Variants in NOS1AP observed in about 807,000 individuals in gnomAD.
NOS1AP encodes nitric oxide synthase 1 adaptor protein.
Under a neutral mutation model 56.2 loss-of-function variants are expected in NOS1AP, and 21 were observed. The ratio of observed to expected loss-of-function variants is 0.37; its 90% CI spans 0.26 to 0.54. The LOEUF is 0.54. NOS1AP is among the 20% of genes least tolerant of loss of function. The pLI is 0.84. For missense variants in NOS1AP, 522 were observed against 657.8 expected, an observed-to-expected ratio of 0.79 and a Z score of 2.26; for synonymous variants, 270 against 274.6, an observed-to-expected ratio of 0.98 and a Z score of 0.17.
At chr1:162,105,771 A>T (rs944760270) in intron 1 of NOS1AP, among the ~76,000 whole-genome samples, 1 of 152,338 alleles carries the variant, frequency 6.6e-6, no homozygotes. Flanking sequence ...GAAATGACGG[A>T]GTCTACCAAA....
At chr1:162,092,440 T>G (rs1294681127) in intron 1 of NOS1AP, among the ~76,000 whole-genome samples, 1 of 152,182 alleles carries the variant, frequency 6.6e-6, no homozygotes, top group African/African-American at 2.4e-5. Context: ...TGCCACCAAG[T>G]GGTAAATCTG....
chr1:162,250,632 C>A (rs956856907), intron 2 of NOS1AP, among the ~76,000 whole-genome samples: 8 of 152,256 alleles, frequency 5.3e-5, no homozygotes, highest in African/African-American at 1.9e-4. Flanking sequence ...TGGGACCACC[C>A]CCATGCAGCA....
chr1:162,300,861 A>C (rs1172287036), intron 4 of NOS1AP, among the ~76,000 whole-genome samples, 155 bp downstream of exon 4: 1 of 152,174 alleles, frequency 6.6e-6, no homozygotes, highest in Non-Finnish European at 1.5e-5. Flanking sequence ...TGTGAGTTCA[A>C]GAAGTAAATC....
chr1:162,090,548 G>A (rs1005077350), intron 1 of NOS1AP, among the ~76,000 whole-genome samples: 12 of 152,018 alleles, frequency 7.9e-5, no homozygotes, highest in Non-Finnish European at 1.0e-4. Context: ...TGTTCTTCCG[G>A]AACCACTCTT....
In NOS1AP at chr1:162,323,774, G is replaced by A. The variant is rs78518256; in HGVS notation, c.345-9243G>A. On this transcript the variant is annotated intron_variant, in intron 4 of 9. Transcript: ENST00000361897. ...GCAGTTAAGAAAACTAAGGCTCAGA[G>A]TATTAACTTGTTTTGAGAAAGCAGA... is the stretch of plus-strand genomic sequence containing the variant. Among the ~76,000 whole-genome samples, 607 of 152,320 alleles carry A rather than the reference G, an allele frequency of 4.0e-3. 5 individuals are homozygous for A. Among genetic ancestry groups the A allele is most frequent in the African/African-American group, 0.014 (570 of 41,574 alleles).
At chr1:162,170,243 C>T (rs1162618596) in intron 2 of NOS1AP, among the ~76,000 whole-genome samples, 33 of 152,206 alleles carry the variant, frequency 2.2e-4, no homozygotes, top group Admixed American at 1.6e-3. Flanking sequence ...CTTGAGTGCT[C>T]ACTACATGCC....
chr1:162,305,662 A>G (rs1423604314), intron 4 of NOS1AP, among the ~76,000 whole-genome samples: 1 of 152,184 alleles, frequency 6.6e-6, no homozygotes, highest in African/African-American at 2.4e-5. Flanking sequence ...GTTTAATAGA[A>G]TATCCCAGAT....
intron 6 of NOS1AP, 28 bp downstream of exon 6, chr1:162,344,004 G>A (rs746019384): frequency 4.3e-6 from 7 of 1,613,252 alleles, no homozygotes; most frequent in Middle Eastern, 1.6e-4. Flanking sequence ...TGTGGATGTG[G>A]GTGGGAAGGC....
At chr1:162,222,654 C>T (rs985800436) in intron 2 of NOS1AP, among the ~76,000 whole-genome samples, 1 of 152,142 alleles carries the variant, frequency 6.6e-6, no homozygotes, top group African/African-American at 2.4e-5. Context: ...AGGCACATGC[C>T]CACACACAGG....
chr1:162,300,683 G>C lies in NOS1AP; in HGVS notation c.321G>C (p.Leu107=), dbSNP rs1039275729. The C allele has an allele frequency of 6.2e-7, 1 of 1,613,940 alleles. No individual in the cohort carries two copies. The highest frequency in any genetic ancestry group is 8.5e-7 in the Non-Finnish European group (1 of 1,179,982). Residue 107 remains leucine (L), a synonymous_variant, in exon 4 of 10, where the codon CTG becomes CTC. Coordinates refer to ENST00000361897, the MANE Select transcript of NOS1AP (RefSeq NM_014697.3). Reference sequence around the variant, plus strand: ...GGACGTGGGATGAGAGCAAGATGCTGGTGATGCAGGACCCCATCTACAGGT... The same window carrying C: ...GGACGTGGGATGAGAGCAAGATGCTCGTGATGCAGGACCCCATCTACAGGT... The part of the protein sequence containing the change: ...KEWTWDESKM[L]VMQDPIYRIF...
At chr1:162,106,658 C>T (rs1205247570) in intron 1 of NOS1AP, among the ~76,000 whole-genome samples, 1 of 152,188 alleles carries the variant, frequency 6.6e-6, no homozygotes, top group East Asian at 1.9e-4. Context: ...CTCAACTTGA[C>T]TTGTAGAGTA....
At position 162,365,006 on chromosome 1, in the gene NOS1AP, G is replaced by A. The variant is rs569427762; in HGVS notation, c.940-398G>A. ...AGTGCCCCCTTCCACCTCCAACATG[G>A]CATGCCATGCTAGGTGCTGAAGGAG... On this transcript the variant is annotated intron_variant, in intron 8 of 9. Coordinates refer to ENST00000361897, the MANE Select transcript of NOS1AP (RefSeq NM_014697.3). 32 of 1,066,838 alleles carry A rather than the reference G, an allele frequency of 3.0e-5. No individual in the cohort carries two copies. The African/African-American group carries it at 4.5e-4, about 15-fold the overall frequency. 66.1% of individuals were successfully genotyped at this position (1,066,838 alleles called of 1,614,324 possible).
intron 2 of NOS1AP, among the ~76,000 whole-genome samples, chr1:162,160,666 C>A (rs894262098): frequency 2.0e-5 from 3 of 152,096 alleles, no homozygotes; most frequent in African/African-American, 7.2e-5. Context: ...CCTAAGTGGC[C>A]CCCCTCAGCA....
At position 162,298,028 on chromosome 1, in the gene NOS1AP, A is replaced by G. The variant is rs557021553; in HGVS notation, c.271-2605A>G. Among the ~76,000 whole-genome samples, 10 of 152,342 alleles carry G rather than the reference A, an allele frequency of 6.6e-5. No individual in the cohort carries two copies. In the East Asian group the frequency reaches 1.7e-3, roughly 26 times the overall value. On this transcript the variant is annotated intron_variant, in intron 3 of 9. Coordinates refer to ENST00000361897, the MANE Select transcript of NOS1AP (RefSeq NM_014697.3). ...CAACAAAAGCCTGCTCTCTCCAGCC[A>G]AAGAGGAGAAAAGGGGCAACATAAC...
chr1:162,227,825 A>G lies in NOS1AP; in HGVS notation c.178-59519A>G, dbSNP rs1366904766. ...AGTTTGCAAACAAATTTCTGCACTCATGGAAAACCACCACTATGAGAGACA... is the reference window on the plus strand; with the variant it reads ...AGTTTGCAAACAAATTTCTGCACTCGTGGAAAACCACCACTATGAGAGACA... On this transcript the variant is annotated intron_variant, in intron 2 of 9. Coordinates refer to ENST00000361897, the MANE Select transcript of NOS1AP (RefSeq NM_014697.3). 2.0e-5 allele frequency among the ~76,000 whole-genome samples: 3 copies of G among 152,180 alleles called. No homozygotes were observed. In the East Asian group the frequency reaches 5.8e-4, roughly 29 times the overall value.
At chr1:162,282,682 C>T (rs1654967961) in intron 2 of NOS1AP, among the ~76,000 whole-genome samples, 1 of 152,186 alleles carries the variant, frequency 6.6e-6, no homozygotes, top group South Asian at 2.1e-4. Flanking sequence ...AGACTATAGA[C>T]AGAATATGAT....
chr1:162,175,727 A>G (rs1651024347), intron 2 of NOS1AP, among the ~76,000 whole-genome samples: 1 of 152,138 alleles, frequency 6.6e-6, no homozygotes, highest in African/African-American at 2.4e-5. Flanking sequence ...ATATACAAAT[A>G]CCCATGAATA....
intron 2 of NOS1AP, among the ~76,000 whole-genome samples, chr1:162,255,490 A>ATTTGTTTTTTTTT (rs1653997658): frequency 1.6e-5 from 1 of 60,974 alleles, no homozygotes; most frequent in African/African-American, 5.0e-5. Context: ...GCTGCTGCTG[A>ATTTGTTTTTTTTT]TTTTTTTTTT....
Position 162,081,774 on chromosome 1 carries a change from A to ATATATATTTTTTTTT in NOS1AP, c.105+11493_105+11494insATATATTTTTTTTTT. 2.8e-3 allele frequency among the ~76,000 whole-genome samples: 122 copies of ATATATATTTTTTTTT among 44,030 alleles called. 4 individuals carry two copies. The highest frequency in any genetic ancestry group is 9.0e-3 in the African/African-American group (118 of 13,066). 28.9% of individuals were successfully genotyped at this position (44,030 alleles called of 152,430 possible). A position where few individuals can be genotyped will look rare whatever the true frequency, so the allele number is the denominator to read the frequency against. ...TCTATAGATATATATATATATATAT[A>ATATATATTTTTTTTT]TTTTTTTTTTGTAGAGATGGGTTTT... On this transcript the variant is annotated intron_variant, in intron 1 of 9. Transcript: ENST00000361897.
Sources: allele counts gnomAD v4.1 joint callset (sites outside exome capture counted in the v4.1 genomes callset), GRCh38; gene constraint gnomAD v4.1.1; transcripts MANE v1.5; gene names NCBI Gene and HGNC (gene_info 2026-07-23, HGNC 2026-07-21).